The following SLC12A8 variants were observed in gnomAD, a reference collection of about 807,000 sequenced individuals.
SLC12A8 encodes cation-chloride cotransporter 9.
A neutral mutation model predicts 75.6 loss-of-function variants in SLC12A8; 69 were observed. That is an observed-to-expected ratio of 0.91 (90% CI 0.75 to 1.11). The LOEUF is 1.11. Among genes scored for constraint, SLC12A8 ranks in the 50% most tolerant of loss-of-function variants. The probability of loss-of-function intolerance (pLI) is 0.00; values close to 1 mark genes in which losing one functional copy is unlikely to be tolerated. For missense variants in SLC12A8, 877 were observed against 896.7 expected (o/e 0.98, Z 0.28); for synonymous variants, 365 against 372.8 (o/e 0.98, Z 0.24).
chr3:125,186,756 C>A (rs1934792704), intron 4 of SLC12A8, among the ~76,000 whole-genome samples: 1 of 152,260 alleles, frequency 6.6e-6, no homozygotes, highest in South Asian at 2.1e-4. Flanking sequence ...AAGAGGCTGT[C>A]AGCCTCCCTG....
intron 6 of SLC12A8, among the ~76,000 whole-genome samples, chr3:125,131,751 T>C (rs2107758478): frequency 6.6e-6 from 1 of 152,238 alleles, no homozygotes; most frequent in South Asian, 2.1e-4. Context: ...GTGGGGACAG[T>C]GTAAATGCAT....
At chr3:125,161,425 C>T (rs898057166) in intron 5 of SLC12A8, among the ~76,000 whole-genome samples, 1 of 152,208 alleles carries the variant, frequency 6.6e-6, no homozygotes, top group Non-Finnish European at 1.5e-5. Context: ...GTCGGTCTTG[C>T]TTTCTGGCCC....
intron 6 of SLC12A8, chr3:125,120,945 C>T (rs1933042093): frequency 1.5e-6 from 1 of 682,040 alleles, no homozygotes. Context: ...CATCCTACCG[C>T]TCAGCGCAAA....
intron 8 of SLC12A8, among the ~76,000 whole-genome samples, chr3:125,116,759 C>CT (rs1939321200): frequency 1.3e-5 from 2 of 152,300 alleles, no homozygotes; most frequent in African/African-American, 4.8e-5. Context: ...GAGAAAGGAA[C>CT]TTTAGAAGCA....
At chr3:125,186,333 C>A (rs547444596) in intron 4 of SLC12A8, among the ~76,000 whole-genome samples, 192 of 152,188 alleles carry the variant, frequency 1.3e-3, no homozygotes, top group African/African-American at 4.5e-3. Context: ...CACAGGCACC[C>A]CCACCGCCCA....
intron 5 of SLC12A8, among the ~76,000 whole-genome samples, chr3:125,139,822 G>T (rs1560065069): frequency 6.6e-6 from 1 of 152,182 alleles, no homozygotes; most frequent in Non-Finnish European, 1.5e-5. Context: ...CCAGAACAAA[G>T]GTTCCTAATT....
chr3:125,118,806 C>T lies in SLC12A8; in HGVS notation c.875G>A (p.Arg292Gln), dbSNP rs575976593. ...CAGGAAGTCATAGCGAAGGGCCTCTCGAGTGCAGATGGCGCCCAGGAGGAA... is the reference window on the plus strand; with the variant it reads ...CAGGAAGTCATAGCGAAGGGCCTCTTGAGTGCAGATGGCGCCCAGGAGGAA... ...FVFLLGAICT[R>Q]EALRYDFLIA... The change falls in exon 8 of 14, where the codon CGA (arginine) becomes CAA (glutamine). Residue 292 changes from arginine to glutamine, a missense_variant. Physicochemically the swap from Arg to Gln is conservative, Grantham distance 43 (BLOSUM62 1). Coordinates refer to ENST00000469902, the MANE Select transcript of SLC12A8 (RefSeq NM_024628.6). 85 of 1,613,864 alleles carry T rather than the reference C, an allele frequency of 5.3e-5. 2 individuals carry two copies. Among genetic ancestry groups the T allele is most frequent in the Middle Eastern group, 3.3e-4 (2 of 6,050 alleles).
intron 2 of SLC12A8, among the ~76,000 whole-genome samples, chr3:125,209,307 A>T (rs1453020942): frequency 2.0e-5 from 3 of 152,266 alleles, no homozygotes; most frequent in Non-Finnish European, 2.9e-5. Context: ...ACAGTGCTAC[A>T]GTTATTCTTG....
In SLC12A8 at chr3:125,083,819, C is replaced by G; in HGVS notation, c.*71G>C. On this transcript the variant is annotated 3_prime_UTR_variant, in exon 14 of 14. Coordinates refer to ENST00000469902, the MANE Select transcript of SLC12A8 (RefSeq NM_024628.6). ...AGTTTCTCAGGTTGGAGAAGCAGCT[C>G]CACGAAGGTCCTGAGCTTGGGTCCA... is the stretch of plus-strand genomic sequence containing the variant. The G allele has an allele frequency of 1.4e-6, 2 of 1,469,344 alleles. No individual in the cohort carries two copies. The highest frequency in any genetic ancestry group is 1.4e-5 in the African/African-American group (1 of 71,410). 91.0% of individuals were successfully genotyped at this position (1,469,344 alleles called of 1,614,324 possible).
chr3:125,118,810 T>C lies in SLC12A8; in HGVS notation c.871A>G (p.Thr291Ala), dbSNP rs1932971649. ...AAGTCATAGCGAAGGGCCTCTCGAG[T>C]GCAGATGGCGCCCAGGAGGAAGACG... is the stretch of plus-strand genomic sequence containing the variant. ...IFVFLLGAIC[T>A]REALRYDFLI... The change falls in exon 8 of 14, where the codon ACT becomes GCT. Residue 291 changes from threonine (T) to alanine (A), a missense_variant. Transcript: ENST00000469902. 1 of 1,613,524 alleles carries C rather than the reference T, an allele frequency of 6.2e-7. No individual in the cohort carries two copies. Among genetic ancestry groups the C allele is most frequent in the South Asian group, 1.1e-5 (1 of 91,036 alleles).
chr3:125,203,088 CA>C (rs758212012), intron 2 of SLC12A8, among the ~76,000 whole-genome samples: 29,634 of 87,544 alleles, frequency 0.34, 1,798 homozygotes, highest in Non-Finnish European at 0.35. Flanking sequence ...GACTTCATCT[CA>C]AAAAAAAAAA....
chr3:125,111,456 ATC>A, intron 8 of SLC12A8, among the ~76,000 whole-genome samples: 1 of 152,332 alleles, frequency 6.6e-6, no homozygotes, highest in East Asian at 1.9e-4. Context: ...GCCAGATCTC[ATC>A]TGTACCCACA....
intron 2 of SLC12A8, among the ~76,000 whole-genome samples, chr3:125,195,332 C>A (rs1381843368): frequency 6.6e-6 from 1 of 152,136 alleles, no homozygotes; most frequent in Non-Finnish European, 1.5e-5. Context: ...AGTGGGAGTT[C>A]CAGAATGGAC....
chr3:125,117,408 G>A lies in SLC12A8; in HGVS notation c.912+1361C>T, dbSNP rs60899747. On this transcript the variant is annotated intron_variant, in intron 8 of 13. Coordinates refer to ENST00000469902, the MANE Select transcript of SLC12A8 (RefSeq NM_024628.6). ...TTGAGACCAGCCTGAGCAACATGGC[G>A]AAACCCCGTCTCTACAAAAAATTGA... 6.0e-3 allele frequency among the ~76,000 whole-genome samples: 842 copies of A among 139,518 alleles called. 4 individuals are homozygous for A. Among genetic ancestry groups the A allele is most frequent in the Middle Eastern group, 0.026 (7 of 270 alleles). 91.5% of individuals were successfully genotyped at this position (139,518 alleles called of 152,430 possible).
At chr3:125,100,568 C>T (rs948925545) in intron 10 of SLC12A8, among the ~76,000 whole-genome samples, 40 of 151,408 alleles carry the variant, frequency 2.6e-4, no homozygotes, top group African/African-American at 6.0e-4. Context: ...CCACCATGCC[C>T]GGCTAATTTT....
intron 2 of SLC12A8, among the ~76,000 whole-genome samples, chr3:125,199,541 A>C (rs1294159775): frequency 1.3e-5 from 2 of 151,780 alleles, no homozygotes; most frequent in African/African-American, 4.8e-5. Context: ...CAGGAGTTTG[A>C]GACCAGCCTG....
chr3:125,116,596 T>C (rs1432125898), intron 8 of SLC12A8, among the ~76,000 whole-genome samples: 1 of 152,168 alleles, frequency 6.6e-6, no homozygotes, highest in African/African-American at 2.4e-5. Context: ...TTTGTGGCCT[T>C]CCTTAGATAC....
intron 5 of SLC12A8, among the ~76,000 whole-genome samples, chr3:125,177,416 A>G (rs977087268): frequency 6.6e-6 from 1 of 152,122 alleles, no homozygotes; most frequent in Non-Finnish European, 1.5e-5. Flanking sequence ...TGGCACATGT[A>G]CACATATGTA....
At chr3:125,140,446 G>C (rs1933602644) in intron 5 of SLC12A8, among the ~76,000 whole-genome samples, 1 of 152,148 alleles carries the variant, frequency 6.6e-6, no homozygotes, top group African/African-American at 2.4e-5. Context: ...CCCCCTTACA[G>C]CACAGGTTGC....
Sources: gnomAD v4.1 joint callset for allele counts (sites outside exome capture counted in the v4.1 genomes callset) on GRCh38, gnomAD v4.1.1 for gene constraint, MANE v1.5 for transcripts, NCBI Gene and HGNC (gene_info 2026-07-23, HGNC 2026-07-21) for gene names.